RCBTB1: variants seen among roughly 807,000 people sequenced by gnomAD.
RCBTB1 encodes RCC1 and BTB domain containing protein 1.
Under a neutral mutation model 62.4 loss-of-function variants are expected in RCBTB1, and 46 were observed. The ratio of observed to expected loss-of-function variants is 0.74; its 90% CI spans 0.58 to 0.94. The LOEUF (loss-of-function observed/expected upper bound fraction) is 0.94. Among genes scored for constraint, RCBTB1 ranks in the 40% least tolerant of loss-of-function variants. RCBTB1 has a pLI of 0.00. For synonymous variants in RCBTB1, 222 were observed against 245.8 expected, an observed-to-expected ratio of 0.90 and a Z score of 0.91; for missense variants, 565 against 654.9, an observed-to-expected ratio of 0.86 and a Z score of 1.50.
intron 12 of RCBTB1, among the ~76,000 whole-genome samples, chr13:49,535,053 C>G (rs865792414): frequency 6.6e-6 from 1 of 152,228 alleles, no homozygotes. Flanking sequence ...AAAAAATTCA[C>G]CTTAAATTCA....
chr13:49,554,400 C>T (rs751223960), intron 6 of RCBTB1, among the ~76,000 whole-genome samples: 4 of 152,094 alleles, frequency 2.6e-5, no homozygotes, highest in Non-Finnish European at 5.9e-5. Flanking sequence ...TATTCAACGG[C>T]CATCCCAAGG....
In RCBTB1 at chr13:49,567,177, G is replaced by A; in HGVS notation, c.103C>T (p.Leu35=). The A allele has an allele frequency of 6.2e-7, 1 of 1,614,056 alleles. No homozygotes were observed. Among genetic ancestry groups the A allele is most frequent in the African/African-American group, 1.3e-5 (1 of 75,022 alleles). ...ACCTCATCATTGTCAGTAACGTACA[G>A]TGCTTCACTGGCTGAGGTGCCGAAG... ...CVFGTSASEA[L]YVTDNDEVFV... is the part of the protein sequence containing the mutation. The change falls in exon 3 of 13, where the codon CTG becomes TTG. Residue 35 remains leucine, a synonymous_variant. Transcript: ENST00000378302.
At chr13:49,580,080 G>A (rs945151107) in intron 2 of RCBTB1, among the ~76,000 whole-genome samples, 6 of 151,988 alleles carry the variant, frequency 3.9e-5, no homozygotes, top group South Asian at 2.1e-4. Context: ...CATTAGCAGT[G>A]AAAAAAATAA....
intron 4 of RCBTB1, among the ~76,000 whole-genome samples, chr13:49,564,180 C>T (rs1049766067): frequency 1.3e-5 from 2 of 152,118 alleles, no homozygotes; most frequent in South Asian, 2.1e-4. Context: ...AACCTGCATC[C>T]CCGGTTCTTT....
chr13:49,546,298 C>T (rs1960781057), intron 9 of RCBTB1: 1 of 984,886 alleles, frequency 1.0e-6, no homozygotes, highest in African/African-American at 1.7e-5. Context: ...TGTGACTTTC[C>T]GTCTAACACT....
chr13:49,557,220 G>A (rs924794471), intron 5 of RCBTB1, among the ~76,000 whole-genome samples: 5 of 152,206 alleles, frequency 3.3e-5, no homozygotes, highest in Non-Finnish European at 5.9e-5. Context: ...GGACAGCAAA[G>A]CAAGACTGGA....
intron 9 of RCBTB1, 130 bp from the exon 10 acceptor site, chr13:49,544,993 G>C (rs1283514387): frequency 1.5e-6 from 1 of 659,208 alleles, no homozygotes; most frequent in Non-Finnish European, 2.5e-6. Context: ...TTCATACCTT[G>C]TTTGACAAAT....
intron 5 of RCBTB1, among the ~76,000 whole-genome samples, chr13:49,556,196 GTT>G (rs56970196): frequency 2.9e-4 from 38 of 129,436 alleles, no homozygotes; most frequent in African/African-American, 6.0e-4. Flanking sequence ...TTTTGCTTTG[GTT>G]TTTTTTTTTT....
Position 49,533,253 on chromosome 13 carries a change from T to C in RCBTB1, c.*869A>G, listed in dbSNP as rs1959690085. On this transcript the variant is annotated 3_prime_UTR_variant, in exon 13 of 13. Coordinates refer to ENST00000378302, the MANE Select transcript of RCBTB1 (RefSeq NM_018191.4). ...TAGGAAGGCAAGAGTATACTATACATGTCATTATTTTCCTCTTAAGTTTGC... is the reference window on the plus strand; with the variant it reads ...TAGGAAGGCAAGAGTATACTATACACGTCATTATTTTCCTCTTAAGTTTGC... The C allele has an allele frequency of 6.6e-6, 1 of 152,224 alleles. No individual in the cohort carries two copies. Among genetic ancestry groups the C allele is most frequent in the Non-Finnish European group, 1.5e-5 (1 of 68,036 alleles). 9.4% of individuals were successfully genotyped at this position (152,224 alleles called of 1,614,324 possible). A position where few individuals can be genotyped will look rare whatever the true frequency, so the allele number is the denominator to read the frequency against.
chr13:49,549,860 C>G (rs750539238), intron 8 of RCBTB1: 108 of 985,262 alleles, frequency 1.1e-4, no homozygotes, highest in Non-Finnish European at 1.3e-4. Context: ...ATCCTCAGCT[C>G]ACTGTGAGTT....
intron 9 of RCBTB1, among the ~76,000 whole-genome samples, chr13:49,545,526 A>C (rs1960719860): frequency 6.6e-6 from 1 of 152,230 alleles, no homozygotes. Flanking sequence ...TGATAAGAAG[A>C]ATTGCTGTTG....
Position 49,560,060 on chromosome 13 carries a change from T to G in RCBTB1, c.302A>C (p.His101Pro). ...TEDGVVYAWG[H>P]NGYSQLGNGT... ...ATTCCCAAGCTGGCTATATCCATTG[T>G]GGCCCCAGGCATAAACCACTCCATC... The change falls in exon 5 of 13, where the codon CAC becomes CCC. Residue 101 changes from histidine to proline, a missense_variant. Coordinates refer to ENST00000378302, the MANE Select transcript of RCBTB1 (RefSeq NM_018191.4). The G allele has an allele frequency of 6.2e-7, 1 of 1,614,028 alleles. No individual in the cohort carries two copies. The highest frequency in any genetic ancestry group is 1.1e-5 in the South Asian group (1 of 91,042).
At chr13:49,544,989 C>T in intron 9 of RCBTB1, 126 bp from the exon 10 acceptor site, 1 of 688,050 alleles carries the variant, frequency 1.5e-6, no homozygotes, top group Admixed American at 2.8e-5. Context: ...AGAGTTCATA[C>T]CTTGTTTGAC....
At chr13:49,555,320 A>T (rs970906358) in intron 6 of RCBTB1, among the ~76,000 whole-genome samples, 195 bp downstream of exon 6, 2 of 152,188 alleles carry the variant, frequency 1.3e-5, no homozygotes, top group African/African-American at 4.8e-5. Flanking sequence ...CTTTCAGGTA[A>T]ATCCTGGAAT....
chr13:49,538,991 T>C (rs1379871320), intron 12 of RCBTB1, among the ~76,000 whole-genome samples: 1 of 151,370 alleles, frequency 6.6e-6, no homozygotes, highest in Non-Finnish European at 1.5e-5. Flanking sequence ...TGCCTCAGCC[T>C]CCCGAATAGC....
rs540878430 is a variant in RCBTB1 at position 49,559,718 on chromosome 13, G to T, written c.444+200C>A. Among the ~76,000 whole-genome samples, 35 of 151,418 alleles carry T rather than the reference G, an allele frequency of 2.3e-4. 1 individual carries two copies. In the South Asian group the frequency reaches 2.7e-3, roughly 12 times the overall value. On this transcript the variant is annotated intron_variant, in intron 5 of 12. Coordinates refer to ENST00000378302, the MANE Select transcript of RCBTB1 (RefSeq NM_018191.4). ...GGGGGAGGACAGAATGGGAGTGAAT[G>T]TTTACCAGGGACAGCGTTTCAGTTT...
intron 8 of RCBTB1, chr13:49,550,532 C>T: frequency 2.5e-6 from 1 of 404,604 alleles, no homozygotes; most frequent in Middle Eastern, 1.2e-3. Flanking sequence ...TCCAGTAACA[C>T]ATATTATATC....
chr13:49,550,293 TG>T, intron 8 of RCBTB1: 3 of 245,922 alleles, frequency 1.2e-5, no homozygotes, highest in Non-Finnish European at 2.0e-5. Context: ...TCTTTATAAA[TG>T]TAACTTTTTC....
rs1349751340 is a variant in RCBTB1 at position 49,534,117 on chromosome 13, G to C, written c.*5C>G. On this transcript the variant is annotated 3_prime_UTR_variant, in exon 13 of 13. Coordinates refer to ENST00000378302, the MANE Select transcript of RCBTB1 (RefSeq NM_018191.4). ...CACTCACACAGAACCCAGCAGCCTT[G>C]CGCTTCAGTTCTTAAAGGCTCCACA... is the stretch of plus-strand genomic sequence containing the variant. The C allele has an allele frequency of 5.6e-6, 9 of 1,613,122 alleles. No individual in the cohort carries two copies. Among genetic ancestry groups the C allele is most frequent in the Non-Finnish European group, 7.6e-6 (9 of 1,179,674 alleles).
Sources: gnomAD v4.1 joint callset for allele counts (sites outside exome capture counted in the v4.1 genomes callset) on GRCh38, gnomAD v4.1.1 for gene constraint, MANE v1.5 for transcripts, NCBI Gene and HGNC (gene_info 2026-07-23, HGNC 2026-07-21) for gene names.